The following FYB2 variants were observed in gnomAD, a reference collection of about 807,000 sequenced individuals.
The protein encoded by FYB2 is FYN binding protein 2, also known as FYN-binding protein 2.
In FYB2, 103 loss-of-function variants were observed where a neutral mutation model predicts 94.1. The observed-to-expected ratio is 1.09, with a 90% CI of 0.93 to 1.29. The LOEUF (loss-of-function observed/expected upper bound fraction) is 1.29. Ranked by LOEUF, FYB2 falls within the 50% of genes most tolerant of loss-of-function variation. The probability of loss-of-function intolerance (pLI) is 0.00; values close to 1 mark genes in which losing one functional copy is unlikely to be tolerated. For missense variants in FYB2, 896 were observed against 841.5 expected (o/e 1.06, Z -0.80); for synonymous variants, 293 against 287.9 (o/e 1.02, Z -0.18).
At chr1:56,817,425 C>T (rs1212352558) in intron 1 of FYB2, among the ~76,000 whole-genome samples, 1 of 152,204 alleles carries the variant, frequency 6.6e-6, no homozygotes, top group Non-Finnish European at 1.5e-5. Flanking sequence ...AAATAGCAGT[C>T]CCTCTTCCTG....
intron 14 of FYB2, among the ~76,000 whole-genome samples, chr1:56,737,840 C>T (rs186395708): frequency 4.6e-5 from 7 of 152,112 alleles, no homozygotes; most frequent in Admixed American, 2.0e-4. Context: ...CAATGCATGC[C>T]TATTCTAGGT....
Position 56,720,327 on chromosome 1 carries a change from G to A in FYB2, c.1977C>T (p.Tyr659=), listed in dbSNP as rs76493848. 2.6e-3 allele frequency: 4,094 copies of A among 1,592,122 alleles called. 92 individuals are homozygous for A. The African/African-American group carries it at 0.048, about 19-fold the overall frequency. ...TATTGATGACAATAATCTCTTTGTC[G>A]TACTGAAATGAGAAATTACTAATCA... ...EEKLFRERFK[Y]DKEIIVINTA... is the part of the protein sequence containing the mutation. The change falls in exon 18 of 20, where the codon TAC becomes TAT. Residue 659 remains tyrosine (Y), a splice_region_variant and synonymous_variant. Coordinates refer to ENST00000343433, the MANE Select transcript of FYB2 (RefSeq NM_001004303.5).
At chr1:56,743,204 C>T (rs974685639) in intron 11 of FYB2, among the ~76,000 whole-genome samples, 5 of 152,118 alleles carry the variant, frequency 3.3e-5, no homozygotes, top group Admixed American at 1.3e-4. Flanking sequence ...CCAATACCTC[C>T]CCATTACTTT....
At chr1:56,769,897 A>G (rs1029118351) in intron 4 of FYB2, among the ~76,000 whole-genome samples, 73 of 152,190 alleles carry the variant, frequency 4.8e-4, no homozygotes, top group African/African-American at 1.8e-3. Context: ...ATCTGAATTG[A>G]TATATTTTTT....
At chr1:56,750,932 G>T in intron 9 of FYB2, 112 bp downstream of exon 9, 1 of 1,288,550 alleles carries the variant, frequency 7.8e-7, no homozygotes, top group Non-Finnish European at 1.1e-6. Context: ...CAAGTTGCTT[G>T]GCACAAAATA....
intron 16 of FYB2, 106 bp downstream of exon 16, chr1:56,726,391 G>A: frequency 4.0e-6 from 4 of 988,286 alleles, no homozygotes; most frequent in Non-Finnish European, 6.1e-6. Context: ...TCTTGTAGAT[G>A]AAACAGCTGA....
chr1:56,728,671 C>T (rs1644637462), intron 15 of FYB2, among the ~76,000 whole-genome samples: 1 of 152,120 alleles, frequency 6.6e-6, no homozygotes, highest in African/African-American at 2.4e-5. Flanking sequence ...TTCTTTTCTT[C>T]TTAAATTATC....
chr1:56,786,283 G>A (rs907584130), intron 4 of FYB2, among the ~76,000 whole-genome samples: 3 of 152,102 alleles, frequency 2.0e-5, no homozygotes, highest in African/African-American at 7.2e-5. Flanking sequence ...AAAGTTTTTT[G>A]GTTATTATGT....
chr1:56,743,871 T>C (rs1227657176), intron 11 of FYB2, among the ~76,000 whole-genome samples, 155 bp downstream of exon 11: 1 of 152,084 alleles, frequency 6.6e-6, no homozygotes, highest in Non-Finnish European at 1.5e-5. Context: ...ACCTTGGTAT[T>C]GCTGTTAGCA....
At position 56,720,284 on chromosome 1, in the gene FYB2, T is replaced by G; in HGVS notation, c.2020A>C (p.Asn674His). Residue 674 changes from asparagine (N) to histidine (H), a missense_variant, in exon 18 of 20, where the codon AAT becomes CAT. Coordinates refer to ENST00000343433, the MANE Select transcript of FYB2 (RefSeq NM_001004303.5). ...TCAAATATTCCATTTCTTGAATTAT[T>G]GGAACAGGCCACTGCTGTATTGATG... ...IVINTAVACSNNSRNGIFDLP... is the reference protein window; with the variant it reads ...IVINTAVACSHNSRNGIFDLP... 1.9e-6 allele frequency: 3 copies of G among 1,612,170 alleles called. No individual in the cohort carries two copies. The highest frequency in any genetic ancestry group is 2.2e-5 in the South Asian group (2 of 90,906).
At chr1:56,743,715 G>T (rs991279773) in intron 11 of FYB2, among the ~76,000 whole-genome samples, 3 of 151,994 alleles carry the variant, frequency 2.0e-5, no homozygotes, top group African/African-American at 7.2e-5. Flanking sequence ...GTATTGGAAA[G>T]CCAAGAAAGT....
chr1:56,825,286 T>G, the FYB2 span: 2 of 152,230 alleles, frequency 1.3e-5, no homozygotes, highest in Non-Finnish European at 2.9e-5. Flanking sequence ...AGGGCAGGAT[T>G]TGGGGAGTGT....
At chr1:56,772,529 C>T (rs857162) in intron 4 of FYB2, among the ~76,000 whole-genome samples, 1 of 152,014 alleles carries the variant, frequency 6.6e-6, no homozygotes, top group Admixed American at 6.6e-5. Context: ...ATTGGAGGGA[C>T]GAAATAACTC....
intron 2 of FYB2, among the ~76,000 whole-genome samples, chr1:56,790,594 C>G (rs548866856): frequency 1.7e-3 from 259 of 152,280 alleles, no homozygotes; most frequent in African/African-American, 6.1e-3. Context: ...TCATCAATAA[C>G]TATTTATTTA....
In FYB2 at chr1:56,720,128, T is replaced by G. The variant is rs752188283; in HGVS notation, c.2131+45A>C. 2.5e-6 allele frequency: 4 copies of G among 1,586,598 alleles called. No individual in the cohort carries two copies. The South Asian group carries it at 3.5e-5, about 14-fold the overall frequency. Reference sequence around the variant, plus strand: ...GTTTTTTTAAAGCATTTTAAGATTTTTTAAAAAGAATGAAATATTATGAAA... The same window carrying G: ...GTTTTTTTAAAGCATTTTAAGATTTGTTAAAAAGAATGAAATATTATGAAA... On this transcript the variant is annotated intron_variant, in intron 18 of 19. Transcript: ENST00000343433.
At chr1:56,752,430 T>C (rs1163436985) in intron 8 of FYB2, among the ~76,000 whole-genome samples, 5 of 152,060 alleles carry the variant, frequency 3.3e-5, no homozygotes, top group Non-Finnish European at 7.4e-5. Context: ...GGATTGACTA[T>C]GATAATACAT....
upstream of FYB2, among the ~76,000 whole-genome samples, chr1:56,822,896 C>T (rs1005735870): frequency 6.6e-6 from 1 of 151,204 alleles, no homozygotes; most frequent in Non-Finnish European, 1.5e-5. Context: ...GCTGGTGCTG[C>T]TAGAGTAACC....
chr1:56,804,442 A>C (rs1301004846), intron 1 of FYB2, among the ~76,000 whole-genome samples: 1 of 152,200 alleles, frequency 6.6e-6, no homozygotes, highest in Admixed American at 6.6e-5. Context: ...GCGCAGGTTC[A>C]GGTCAGATGC....
chr1:56,780,349 A>G (rs1048395793), intron 4 of FYB2, among the ~76,000 whole-genome samples: 1 of 152,184 alleles, frequency 6.6e-6, no homozygotes, highest in Non-Finnish European at 1.5e-5. Flanking sequence ...ATGAAATCCT[A>G]AGGCAGGCGT....
Sources: allele counts gnomAD v4.1 joint callset (sites outside exome capture counted in the v4.1 genomes callset), GRCh38; gene constraint gnomAD v4.1.1; transcripts MANE v1.5; gene names NCBI Gene and HGNC (gene_info 2026-07-23, HGNC 2026-07-21).